Variants in AGBL1 observed in about 807,000 individuals in gnomAD.
AGBL1 encodes cytosolic carboxypeptidase 4.
In AGBL1, 130 loss-of-function variants were observed where a neutral mutation model predicts 118.9. The ratio of observed to expected loss-of-function variants is 1.09; its 90% CI spans 0.95 to 1.26. The LOEUF is 1.26. Among genes scored for constraint, AGBL1 ranks in the 50% most tolerant of loss-of-function variants. The probability of loss-of-function intolerance (pLI) is 0.00; values close to 1 mark genes in which losing one functional copy is unlikely to be tolerated. For missense variants in AGBL1, 1,584 were observed against 1,298.1 expected (o/e 1.22, Z -3.38); for synonymous variants, 555 against 478.9 (o/e 1.16, Z -2.08).
At chr15:86,573,668 G>T (rs1317529300) in intron 21 of AGBL1, among the ~76,000 whole-genome samples, 1 of 152,178 alleles carries the variant, frequency 6.6e-6, no homozygotes, top group South Asian at 2.1e-4. Context: ...GTCCACTGGA[G>T]TATGTAAGAA....
intron 5 of AGBL1, among the ~76,000 whole-genome samples, chr15:86,224,657 A>G (rs546828779): frequency 2.0e-5 from 3 of 152,148 alleles, no homozygotes; most frequent in Admixed American, 6.5e-5. Context: ...GGAAGGTGGG[A>G]GGCAAGCAGG....
chr15:86,171,770 G>T (rs1244865896), intron 5 of AGBL1, among the ~76,000 whole-genome samples: 1 of 152,138 alleles, frequency 6.6e-6, no homozygotes, highest in Admixed American at 6.5e-5. Context: ...ATTCACAATT[G>T]CAAGAATATA....
chr15:86,652,172 T>C (rs929395247), intron 21 of AGBL1, among the ~76,000 whole-genome samples: 4 of 152,164 alleles, frequency 2.6e-5, no homozygotes, highest in Non-Finnish European at 5.9e-5. Flanking sequence ...TTAAATGTCA[T>C]TTTAGGGTCA....
At chr15:86,435,523 A>C (rs1364133048) in intron 18 of AGBL1, among the ~76,000 whole-genome samples, 1 of 152,248 alleles carries the variant, frequency 6.6e-6, no homozygotes, top group Non-Finnish European at 1.5e-5. Flanking sequence ...TTAAAAGAAT[A>C]ATCTCCATGT....
In AGBL1 at chr15:86,783,851, G is replaced by A. The variant is rs963292850; in HGVS notation, c.3158+109415G>A. ...TCACCATGTCAGCCAGGCTGGTCTCGAATTCCTGACCTCAGGTGATTTGCC... is the reference window on the plus strand; with the variant it reads ...TCACCATGTCAGCCAGGCTGGTCTCAAATTCCTGACCTCAGGTGATTTGCC... On this transcript the variant is annotated intron_variant, in intron 22 of 22. Transcript: ENST00000614907. Among the ~76,000 whole-genome samples, 7 of 152,098 alleles carry A rather than the reference G, an allele frequency of 4.6e-5. No homozygotes were observed. In the East Asian group the frequency reaches 7.7e-4, roughly 17 times the overall value.
intron 24 of AGBL1, among the ~76,000 whole-genome samples, chr15:86,993,890 G>A (rs115909143): frequency 2.0e-5 from 3 of 152,178 alleles, no homozygotes; most frequent in African/African-American, 2.4e-5. Flanking sequence ...GGCAGAAACC[G>A]GGACTCCTCT....
chr15:86,857,763 G>A (rs1484013613), intron 22 of AGBL1, among the ~76,000 whole-genome samples: 1 of 152,124 alleles, frequency 6.6e-6, no homozygotes, highest in Non-Finnish European at 1.5e-5. Context: ...GACATCCCTG[G>A]CCCCCAGGAT....
chr15:86,885,399 C>T (rs2079955784), intron 22 of AGBL1, among the ~76,000 whole-genome samples: 1 of 152,154 alleles, frequency 6.6e-6, no homozygotes, highest in Non-Finnish European at 1.5e-5. Flanking sequence ...GGTTTTTCAG[C>T]AGCTGACTTG....
intron 5 of AGBL1, among the ~76,000 whole-genome samples, chr15:86,200,259 A>C (rs2077881723): frequency 6.6e-6 from 1 of 152,222 alleles, no homozygotes; most frequent in African/African-American, 2.4e-5. Flanking sequence ...TAAAAAAAGA[A>C]AAAGAACCAG....
chr15:86,583,054 T>A (rs578164773), intron 21 of AGBL1, among the ~76,000 whole-genome samples: 25 of 152,000 alleles, frequency 1.6e-4, no homozygotes, highest in East Asian at 1.5e-3. Flanking sequence ...ATTTTTTTTT[T>A]AAAAAACACC....
Position 86,269,948 on chromosome 15 carries a change from AT to A in AGBL1, c.1869del (p.Asp623GlufsTer2), listed in dbSNP as rs1357630853. 1.2e-6 allele frequency: 2 copies of A among 1,613,838 alleles called. No homozygotes were observed. Among genetic ancestry groups the A allele is most frequent in the Admixed American group, 3.3e-5 (2 of 60,002 alleles). On this transcript the variant is annotated frameshift_variant, in exon 14 of 23. Transcript: ENST00000614907. LOFTEE classifies it high-confidence loss of function. Reference sequence around the variant, plus strand: ...GAGTATGACTTGCTGGTCAACGCAGATGTGAATAGCACCCAGCACCAGCAGT... The same window carrying A: ...GAGTATGACTTGCTGGTCAACGCAGAGTGAATAGCACCCAGCACCAGCAGT... ...EFEYDLLVNA[D>X]VNSTQHQQWF...
intron 18 of AGBL1, among the ~76,000 whole-genome samples, chr15:86,447,274 C>A (rs137942418): frequency 6.6e-6 from 1 of 152,140 alleles, no homozygotes; most frequent in African/African-American, 2.4e-5. Context: ...ATCCTAAAAC[C>A]TAGAGCTACT....
At chr15:86,479,504 A>G (rs1033587449) in intron 18 of AGBL1, among the ~76,000 whole-genome samples, 13 of 152,290 alleles carry the variant, frequency 8.5e-5, no homozygotes, top group African/African-American at 2.4e-4. Context: ...GGCCATCAGA[A>G]AAATGCAAAT....
intron 21 of AGBL1, among the ~76,000 whole-genome samples, chr15:86,669,885 C>T (rs1014745176): frequency 6.6e-6 from 1 of 152,062 alleles, no homozygotes; most frequent in Non-Finnish European, 1.5e-5. Flanking sequence ...GCTTTCATTG[C>T]CAAATCTTTG....
At position 86,279,599 on chromosome 15, in the gene AGBL1, C is replaced by G. The variant is rs1174719029; in HGVS notation, c.2076-40C>G. On this transcript the variant is annotated intron_variant, in intron 15 of 22. Coordinates refer to ENST00000614907, the MANE Select transcript of AGBL1 (RefSeq NM_001386094.1). ...AAATGACCCTGCACCCCCCTCCCAC[C>G]TCTCCCTTATTCTCTTCTCTTCTCC... 2.5e-6 allele frequency: 4 copies of G among 1,598,768 alleles called. No homozygotes were observed. The South Asian group carries it at 3.3e-5, about 13-fold the overall frequency.
intron 22 of AGBL1, among the ~76,000 whole-genome samples, chr15:86,775,764 A>G (rs549666445): frequency 3.0e-4 from 46 of 152,268 alleles, no homozygotes; most frequent in Non-Finnish European, 5.6e-4. Context: ...AATTGTTTAC[A>G]TTTTATTTAT....
chr15:86,159,663 G>A (rs62012458), intron 5 of AGBL1, among the ~76,000 whole-genome samples: 2 of 151,894 alleles, frequency 1.3e-5, no homozygotes, highest in Non-Finnish European at 2.9e-5. Flanking sequence ...AGAGATATTC[G>A]GGACTATTAA....
intron 22 of AGBL1, among the ~76,000 whole-genome samples, chr15:86,774,293 C>A (rs572388862): frequency 6.6e-6 from 1 of 152,102 alleles, no homozygotes; most frequent in East Asian, 1.9e-4. Context: ...ATCTGTATGG[C>A]TTTTACATCT....
In AGBL1 at chr15:86,835,346, A is replaced by G. The variant is rs566022231; in HGVS notation, c.3159-71741A>G. On this transcript the variant is annotated intron_variant, in intron 22 of 22. Coordinates refer to ENST00000614907, the MANE Select transcript of AGBL1 (RefSeq NM_001386094.1). ...AAAACAGTTGGGATGGTAAAAATCA[A>G]TCCTGTAGATTAAGCAGTAATGGTT... Among the ~76,000 whole-genome samples, 21 of 152,290 alleles carry G rather than the reference A, an allele frequency of 1.4e-4. No homozygotes were observed. The East Asian group carries it at 1.5e-3, about 11-fold the overall frequency.
Sources: gnomAD v4.1 joint callset for allele counts (sites outside exome capture counted in the v4.1 genomes callset) on GRCh38, gnomAD v4.1.1 for gene constraint, MANE v1.5 for transcripts, NCBI Gene and HGNC (gene_info 2026-07-23, HGNC 2026-07-21) for gene names.